The following PTPRT variants were observed in gnomAD, a reference collection of about 807,000 sequenced individuals.
The protein encoded by PTPRT is receptor-type tyrosine-protein phosphatase T.
In PTPRT, 56 loss-of-function variants were observed where a neutral mutation model predicts 176.8. That is an observed-to-expected ratio of 0.32 (90% confidence interval 0.26 to 0.40). PTPRT has a LOEUF of 0.40. Ranked by LOEUF, PTPRT falls within the 10% of genes least tolerant of loss-of-function variation. The pLI is 1.00. For missense variants in PTPRT, 1,540 were observed against 1,908.2 expected, an observed-to-expected ratio of 0.81 and a Z score of 3.60; for synonymous variants, 783 against 739.0, an observed-to-expected ratio of 1.06 and a Z score of -0.96.
At chr20:43,006,008 G>A (rs1984837852) in intron 1 of PTPRT, among the ~76,000 whole-genome samples, 1 of 152,102 alleles carries the variant, frequency 6.6e-6, no homozygotes, top group Non-Finnish European at 1.5e-5. Flanking sequence ...ATTTTTAAAG[G>A]GGAGTAAGAA....
chr20:42,552,739 T>A (rs2072791261), intron 7 of PTPRT, among the ~76,000 whole-genome samples: 1 of 151,980 alleles, frequency 6.6e-6, no homozygotes, highest in Non-Finnish European at 1.5e-5. Context: ...TTCTTACAAA[T>A]CAATGAGAAA....
chr20:42,511,674 A>C (rs1204727444), intron 7 of PTPRT, among the ~76,000 whole-genome samples: 3 of 152,128 alleles, frequency 2.0e-5, no homozygotes, highest in Non-Finnish European at 4.4e-5. Context: ...AGATATGCCC[A>C]ACTTAACTCT....
chr20:42,571,481 G>T (rs1195024480), intron 7 of PTPRT, among the ~76,000 whole-genome samples: 2 of 152,180 alleles, frequency 1.3e-5, no homozygotes, highest in African/African-American at 4.8e-5. Flanking sequence ...TCAGACTTCT[G>T]ATCTCCAGAA....
At chr20:42,610,049 G>A (rs1281500346) in intron 7 of PTPRT, among the ~76,000 whole-genome samples, 1 of 152,184 alleles carries the variant, frequency 6.6e-6, no homozygotes, top group African/African-American at 2.4e-5. Context: ...AATTACTGCA[G>A]GAAGACTCAA....
rs145680171 is a variant in PTPRT at position 42,158,262 on chromosome 20, A to G, written c.2682+3090T>C. ...TTCCTATTTCCCTTTCTAGAATACA[A>G]GCTTCAGAAGGGCAAGAATCTTTGT... On this transcript the variant is annotated intron_variant, in intron 17 of 30. Transcript: ENST00000373187. Among the ~76,000 whole-genome samples, 3 of 152,334 alleles carry G rather than the reference A, an allele frequency of 2.0e-5. No individual in the cohort carries two copies. In the East Asian group the frequency reaches 5.8e-4, roughly 29 times the overall value.
At chr20:42,637,234 C>G (rs925406828) in intron 7 of PTPRT, among the ~76,000 whole-genome samples, 1 of 152,152 alleles carries the variant, frequency 6.6e-6, no homozygotes, top group African/African-American at 2.4e-5. Context: ...TACTGGTCTA[C>G]GTGTTTCACT....
chr20:42,431,571 G>C (rs185705425), intron 9 of PTPRT, among the ~76,000 whole-genome samples: 150 of 152,180 alleles, frequency 9.9e-4, no homozygotes, highest in South Asian at 2.7e-3. Flanking sequence ...TAAAATACAA[G>C]GCAAAATTAG....
chr20:43,098,547 CTTTTT>C (rs752767685), intron 1 of PTPRT, among the ~76,000 whole-genome samples: 27 of 141,898 alleles, frequency 1.9e-4, no homozygotes, highest in African/African-American at 7.0e-4. Flanking sequence ...TCTTTTTTTT[CTTTTT>C]TTTTTTTTTG....
At chr20:42,455,447 T>C (rs1238091044) in intron 8 of PTPRT, among the ~76,000 whole-genome samples, 1 of 152,220 alleles carries the variant, frequency 6.6e-6, no homozygotes, top group Non-Finnish European at 1.5e-5. Flanking sequence ...ACTACTTCCA[T>C]TTGTATCCTT....
the PTPRT span, among the ~76,000 whole-genome samples, chr20:42,036,870 AGTT>A: frequency 3.9e-5 from 6 of 152,192 alleles, no homozygotes; most frequent in African/African-American, 1.2e-4. Context: ...AGCAGAAAGA[AGTT>A]GTTGTTTCTT....
At chr20:42,951,825 C>T (rs1264855059) in intron 1 of PTPRT, among the ~76,000 whole-genome samples, 2 of 152,136 alleles carry the variant, frequency 1.3e-5, no homozygotes, top group Admixed American at 6.5e-5. Flanking sequence ...GCCACTTACA[C>T]GCTGTGTAAG....
intron 1 of PTPRT, among the ~76,000 whole-genome samples, chr20:42,955,295 G>A (rs914856198): frequency 3.9e-5 from 6 of 152,148 alleles, no homozygotes; most frequent in Non-Finnish European, 8.8e-5. Flanking sequence ...TAGTAAAGTT[G>A]CACGGCTGAA....
At chr20:42,444,467 G>C (rs938780597) in intron 9 of PTPRT, among the ~76,000 whole-genome samples, 1 of 152,154 alleles carries the variant, frequency 6.6e-6, no homozygotes, top group South Asian at 2.1e-4. Context: ...TCACATTTTG[G>C]GGGGCAGAAT....
intron 1 of PTPRT, among the ~76,000 whole-genome samples, chr20:42,912,368 C>T (rs206670): frequency 0.068 from 10,299 of 152,222 alleles, 982 homozygotes; most frequent in African/African-American, 0.21. Context: ...CATTTGTAAA[C>T]TGCCTGGTTA....
At chr20:42,518,616 C>T (rs2145486837) in intron 7 of PTPRT, among the ~76,000 whole-genome samples, 1 of 151,748 alleles carries the variant, frequency 6.6e-6, no homozygotes, top group South Asian at 2.1e-4. Flanking sequence ...ACTATAATTC[C>T]CCTTAATTCT....
chr20:42,724,408 T>C (rs566967012), intron 6 of PTPRT, among the ~76,000 whole-genome samples: 11 of 152,310 alleles, frequency 7.2e-5, no homozygotes, highest in African/African-American at 2.4e-4. Context: ...AGTGAGAGGC[T>C]ACAGCAGGAG....
chr20:42,039,142 G>C, the PTPRT span, among the ~76,000 whole-genome samples: 2 of 152,024 alleles, frequency 1.3e-5, no homozygotes, highest in African/African-American at 4.8e-5. Flanking sequence ...ACTACTTGTG[G>C]ATCCAGTTAC....
intron 1 of PTPRT, among the ~76,000 whole-genome samples, chr20:42,903,774 A>C (rs2079438858): frequency 6.6e-6 from 1 of 152,244 alleles, no homozygotes; most frequent in Non-Finnish European, 1.5e-5. Flanking sequence ...GGTCAAGCCA[A>C]AGGGAATGGT....
intron 7 of PTPRT, among the ~76,000 whole-genome samples, chr20:42,610,728 C>A (rs531605706): frequency 6.6e-6 from 1 of 152,270 alleles, no homozygotes; most frequent in Admixed American, 6.5e-5. Context: ...TACAATTCAT[C>A]CATTTAAAGT....
Sources: allele counts gnomAD v4.1 joint callset (sites outside exome capture counted in the v4.1 genomes callset), GRCh38; gene constraint gnomAD v4.1.1; transcripts MANE v1.5; gene names NCBI Gene and HGNC (gene_info 2026-07-23, HGNC 2026-07-21).